The following WIPF1 variants were observed in gnomAD, a reference collection of about 807,000 sequenced individuals.
The protein encoded by WIPF1 is WAS/WASL-interacting protein family member 1.
WIPF1 carries 13 observed loss-of-function variants against 35.4 expected under a neutral mutation model. The observed-to-expected ratio is 0.37, with a 90% CI of 0.24 to 0.58. WIPF1 has a LOEUF of 0.58. Among genes scored for constraint, WIPF1 ranks in the 20% least tolerant of loss-of-function variants. WIPF1 has a pLI of 0.74. For missense variants in WIPF1, 591 were observed against 667.0 expected (o/e 0.89, Z 1.25); for synonymous variants, 267 against 266.3 (o/e 1.00, Z -0.02).
intron 1 of WIPF1, among the ~76,000 whole-genome samples, chr2:174,592,595 T>G (rs6433496): frequency 0.32 from 46,810 of 146,588 alleles, 7,628 homozygotes; most frequent in Middle Eastern, 0.37. Context: ...TTATTTACAT[T>G]TATTTATTGA....
rs113131647 is a variant in WIPF1 at position 174,661,944 on chromosome 2, A to C, written c.-39+20830T>G. ...AAGAACAGGAAAATCCCTGGAAGAA[A>C]AGAACAGATGAAATGACTCTTCCTT... On this transcript the variant is annotated intron_variant, in intron 1 of 8. Transcript: ENST00000272746. 1.1e-4 allele frequency among the ~76,000 whole-genome samples: 16 copies of C among 152,200 alleles called. 3 individuals are homozygous for C. The highest frequency in any genetic ancestry group is 3.9e-4 in the African/African-American group (16 of 41,506).
At chr2:174,639,442 C>T (rs191500982) in intron 1 of WIPF1, among the ~76,000 whole-genome samples, 12 of 152,226 alleles carry the variant, frequency 7.9e-5, no homozygotes, top group Admixed American at 4.6e-4. Flanking sequence ...TTTGTAGAGA[C>T]GGAGTCTCAC....
chr2:174,665,233 G>A (rs79269832), intron 1 of WIPF1: 1 of 152,176 alleles, frequency 6.6e-6, no homozygotes, highest in Non-Finnish European at 1.5e-5. Context: ...TTTTGCTCCT[G>A]TTTTACTACG....
At chr2:174,657,823 T>C (rs1475857320) in intron 1 of WIPF1, among the ~76,000 whole-genome samples, 1 of 150,240 alleles carries the variant, frequency 6.7e-6, no homozygotes, top group East Asian at 2.0e-4. Flanking sequence ...GGCAGGAGAA[T>C]TGCTTGAACC....
intron 1 of WIPF1, among the ~76,000 whole-genome samples, chr2:174,591,487 G>A (rs1685605831): frequency 6.6e-6 from 1 of 152,044 alleles, no homozygotes; most frequent in Non-Finnish European, 1.5e-5. Context: ...GACTGCCAAA[G>A]GTTTATTTAA....
intron 3 of WIPF1, among the ~76,000 whole-genome samples, chr2:174,576,082 C>T (rs961891758): frequency 2.0e-5 from 3 of 152,012 alleles, no homozygotes; most frequent in Admixed American, 1.3e-4. Flanking sequence ...AGTGAGACCT[C>T]GTCTCTACGA....
At chr2:174,630,109 A>G (rs1043359581) in intron 1 of WIPF1, among the ~76,000 whole-genome samples, 1 of 152,182 alleles carries the variant, frequency 6.6e-6, no homozygotes, top group African/African-American at 2.4e-5. Context: ...ACACACATAC[A>G]CACACGTATA....
At chr2:174,602,999 G>A (rs150392477) in intron 1 of WIPF1, among the ~76,000 whole-genome samples, 16 of 152,318 alleles carry the variant, frequency 1.1e-4, no homozygotes, top group Admixed American at 3.9e-4. Flanking sequence ...TTTGGCCCTA[G>A]AGACTTCTGG....
intron 1 of WIPF1, among the ~76,000 whole-genome samples, chr2:174,620,141 T>C (rs1686630335): frequency 6.6e-6 from 1 of 152,210 alleles, no homozygotes; most frequent in South Asian, 2.1e-4. Flanking sequence ...ACCTACAGTC[T>C]CCAATGTTGA....
chr2:174,667,870 A>C (rs1687925343), intron 1 of WIPF1, among the ~76,000 whole-genome samples: 1 of 152,194 alleles, frequency 6.6e-6, no homozygotes, highest in South Asian at 2.1e-4. Flanking sequence ...GAACTCTGCT[A>C]TAAACTCCGC....
At chr2:174,642,270 ATTTTC>A (rs1224809084) in intron 1 of WIPF1, among the ~76,000 whole-genome samples, 1 of 146,732 alleles carries the variant, frequency 6.8e-6, no homozygotes, top group Non-Finnish European at 1.5e-5. Context: ...GTCAATTCTA[ATTTTC>A]TTTTATTTTT....
chr2:174,605,976 T>G (rs993947817), intron 1 of WIPF1, among the ~76,000 whole-genome samples: 4 of 152,090 alleles, frequency 2.6e-5, no homozygotes, highest in African/African-American at 4.8e-5. Flanking sequence ...AAGTTACCTT[T>G]TACTTCTCAA....
intron 1 of WIPF1, among the ~76,000 whole-genome samples, chr2:174,642,510 C>A (rs938680289): frequency 2.0e-5 from 3 of 151,848 alleles, no homozygotes; most frequent in Admixed American, 1.3e-4. Flanking sequence ...CCACGCCCGG[C>A]TAATTTTTTT....
At chr2:174,678,555 T>C (rs1218778556) in intron 1 of WIPF1, among the ~76,000 whole-genome samples, 1 of 152,360 alleles carries the variant, frequency 6.6e-6, no homozygotes, top group South Asian at 2.1e-4. Flanking sequence ...GCTGTAGTTG[T>C]GACCAAAGCA....
intron 1 of WIPF1, among the ~76,000 whole-genome samples, chr2:174,662,507 C>T (rs1559175904): frequency 6.6e-6 from 1 of 152,206 alleles, no homozygotes; most frequent in Non-Finnish European, 1.5e-5. Flanking sequence ...GTCATATACA[C>T]AGTTTAGTTT....
chr2:174,665,512 C>G (rs893111464), intron 1 of WIPF1: 1 of 152,226 alleles, frequency 6.6e-6, no homozygotes, highest in African/African-American at 2.4e-5. Flanking sequence ...TCTGCCAGAG[C>G]TACAATGTGA....
At chr2:174,620,943 C>T (rs1192851926) in intron 1 of WIPF1, among the ~76,000 whole-genome samples, 1 of 152,106 alleles carries the variant, frequency 6.6e-6, no homozygotes, top group Non-Finnish European at 1.5e-5. Flanking sequence ...AACACAGCAG[C>T]CTGGGAAAAT....
At chr2:174,670,806 C>G (rs1465722706) in intron 1 of WIPF1, among the ~76,000 whole-genome samples, 1 of 152,226 alleles carries the variant, frequency 6.6e-6, no homozygotes, top group Non-Finnish European at 1.5e-5. Flanking sequence ...TATTTGTATC[C>G]ACTCTCAGCA....
At chr2:174,566,710 A>G in intron 7 of WIPF1, 1 of 182,412 alleles carries the variant, frequency 5.5e-6, no homozygotes, top group Non-Finnish European at 1.1e-5. Flanking sequence ...TTTTGTTATA[A>G]TTAATCAGAC....
Sources: gnomAD v4.1 joint callset for allele counts (sites outside exome capture counted in the v4.1 genomes callset) on GRCh38, gnomAD v4.1.1 for gene constraint, MANE v1.5 for transcripts, NCBI Gene and HGNC (gene_info 2026-07-23, HGNC 2026-07-21) for gene names.